Variants in LHFPL3 observed in about 807,000 individuals in gnomAD.
LHFPL3 encodes LHFPL tetraspan subfamily member 3.
A neutral mutation model predicts 19.3 loss-of-function variants in LHFPL3; 5 were observed. The observed-to-expected ratio is 0.26, with a 90% CI of 0.14 to 0.54. The LOEUF is 0.54. Among genes scored for constraint, LHFPL3 ranks in the 20% least tolerant of loss-of-function variants. LHFPL3 has a pLI of 0.94. For missense variants in LHFPL3, 249 were observed against 307.4 expected (o/e 0.81, Z 1.42); for synonymous variants, 133 against 126.2 (o/e 1.05, Z -0.36).
At chr7:104,846,406 G>A (rs962790603) in intron 2 of LHFPL3, among the ~76,000 whole-genome samples, 1 of 152,192 alleles carries the variant, frequency 6.6e-6, no homozygotes, top group Non-Finnish European at 1.5e-5. Flanking sequence ...TGACAAGAAT[G>A]TAAAATTAGA....
intron 1 of LHFPL3, among the ~76,000 whole-genome samples, chr7:104,484,522 C>G (rs1433523518): frequency 6.6e-6 from 1 of 152,194 alleles, no homozygotes; most frequent in Non-Finnish European, 1.5e-5. Context: ...TACTTTTAGA[C>G]TTACCTTCTT....
Position 104,741,589 on chromosome 7 carries a change from G to A in LHFPL3, c.682+4678G>A, listed in dbSNP as rs577800504. 9.1e-4 allele frequency among the ~76,000 whole-genome samples: 137 copies of A among 151,142 alleles called. 1 individual carries two copies. The highest frequency in any genetic ancestry group is 5.3e-4 in the Non-Finnish European group (36 of 67,872). ...CTCACTCTGTTGCCCAGGCCAGAGA[G>A]CAGTGACACGATCATAGCTCACTAT... On this transcript the variant is annotated intron_variant, in intron 2 of 2. Transcript: ENST00000424859.
At chr7:104,421,475 T>C (rs1791731813) in intron 1 of LHFPL3, among the ~76,000 whole-genome samples, 1 of 152,134 alleles carries the variant, frequency 6.6e-6, no homozygotes, top group Admixed American at 6.5e-5. Context: ...AAACAAAATG[T>C]GATGGGAAAA....
intron 1 of LHFPL3, among the ~76,000 whole-genome samples, chr7:104,583,053 T>C (rs770305006): frequency 6.6e-6 from 1 of 151,820 alleles, no homozygotes; most frequent in Non-Finnish European, 1.5e-5. Context: ...AAAATAGAGA[T>C]CACCAGTACC....
At chr7:104,530,892 T>C (rs1397869818) in intron 1 of LHFPL3, among the ~76,000 whole-genome samples, 3 of 152,230 alleles carry the variant, frequency 2.0e-5, no homozygotes, top group Non-Finnish European at 4.4e-5. Context: ...CAGTAATTTA[T>C]GTACACGATA....
chr7:104,469,467 GT>G (rs146687135), intron 1 of LHFPL3, among the ~76,000 whole-genome samples: 7 of 152,120 alleles, frequency 4.6e-5, no homozygotes, highest in African/African-American at 1.2e-4. Context: ...TCTTTTGAAA[GT>G]TTTTTTCTAA....
intron 1 of LHFPL3, 82 bp from the exon 2 acceptor site, chr7:104,736,593 C>A: frequency 1.2e-6 from 1 of 843,070 alleles, no homozygotes; most frequent in Non-Finnish European, 1.9e-6. Context: ...AATGATTCGA[C>A]AGACAGTGGA....
chr7:104,590,659 G>A (rs888925549), intron 1 of LHFPL3, among the ~76,000 whole-genome samples: 11 of 152,130 alleles, frequency 7.2e-5, no homozygotes, highest in African/African-American at 2.7e-4. Context: ...TTCAGTTCCT[G>A]GATATCCCTG....
At chr7:104,825,499 T>C (rs1333817058) in intron 2 of LHFPL3, among the ~76,000 whole-genome samples, 1 of 151,860 alleles carries the variant, frequency 6.6e-6, no homozygotes, top group Non-Finnish European at 1.5e-5. Context: ...AAAATTGGTG[T>C]AATAAAACCT....
intron 1 of LHFPL3, among the ~76,000 whole-genome samples, chr7:104,350,210 G>A (rs4729996): frequency 0.53 from 79,915 of 151,838 alleles, 21,712 homozygotes; most frequent in East Asian, 0.88. Flanking sequence ...TTAAAAGTTC[G>A]CCTTCTTAGT....
At chr7:104,594,082 T>G (rs1403705616) in intron 1 of LHFPL3, among the ~76,000 whole-genome samples, 1 of 152,230 alleles carries the variant, frequency 6.6e-6, no homozygotes, top group African/African-American at 2.4e-5. Flanking sequence ...GTCATTATGA[T>G]GTTAGCTGGT....
At chr7:104,666,785 G>A (rs1467832455) in intron 1 of LHFPL3, among the ~76,000 whole-genome samples, 2 of 151,850 alleles carry the variant, frequency 1.3e-5, no homozygotes, top group Non-Finnish European at 2.9e-5. Context: ...GCCTCCCAAA[G>A]TGCTGGGATT....
chr7:104,355,521 T>C (rs1562873205), intron 1 of LHFPL3, among the ~76,000 whole-genome samples: 1 of 152,338 alleles, frequency 6.6e-6, no homozygotes, highest in South Asian at 2.1e-4. Flanking sequence ...TAGTGAACAA[T>C]TGCTTGTTGT....
chr7:104,425,225 C>T (rs1791820999), intron 1 of LHFPL3, among the ~76,000 whole-genome samples: 2 of 151,642 alleles, frequency 1.3e-5, no homozygotes, highest in African/African-American at 4.9e-5. Flanking sequence ...GTAGGGGTGC[C>T]TGGAATTGGG....
At chr7:104,793,616 C>A (rs1790064358) in intron 2 of LHFPL3, among the ~76,000 whole-genome samples, 1 of 152,158 alleles carries the variant, frequency 6.6e-6, no homozygotes, top group South Asian at 2.1e-4. Flanking sequence ...GAGCAGCAAC[C>A]AGCTGGACCT....
At chr7:104,362,858 C>T (rs1292610091) in intron 1 of LHFPL3, among the ~76,000 whole-genome samples, 1 of 152,206 alleles carries the variant, frequency 6.6e-6, no homozygotes, top group Admixed American at 6.5e-5. Context: ...TCCCCTTGTG[C>T]TGAATCAGTT....
chr7:104,902,091 C>T (rs969531102), intron 2 of LHFPL3, among the ~76,000 whole-genome samples: 6 of 152,090 alleles, frequency 3.9e-5, no homozygotes, highest in Admixed American at 3.9e-4. Context: ...AAGAAGAAAC[C>T]TTTAATGGCC....
chr7:104,523,345 G>C (rs764650387), intron 1 of LHFPL3, among the ~76,000 whole-genome samples: 4 of 152,134 alleles, frequency 2.6e-5, no homozygotes, highest in Non-Finnish European at 5.9e-5. Flanking sequence ...AATCTGAAAA[G>C]AGTGTTTTCA....
At chr7:104,675,338 G>A (rs1349748043) in intron 1 of LHFPL3, among the ~76,000 whole-genome samples, 1 of 152,230 alleles carries the variant, frequency 6.6e-6, no homozygotes, top group African/African-American at 2.4e-5. Context: ...GAGAGTAGTG[G>A]CAGTGAGGTC....
Sources: gnomAD v4.1 joint callset for allele counts (sites outside exome capture counted in the v4.1 genomes callset) on GRCh38, gnomAD v4.1.1 for gene constraint, MANE v1.5 for transcripts, NCBI Gene and HGNC (gene_info 2026-07-23, HGNC 2026-07-21) for gene names.